Variants in UTP18 observed in about 807,000 individuals in gnomAD.
The protein encoded by UTP18 is UTP18 small subunit processome component, also known as U3 small nucleolar RNA-associated protein 18 homolog.
Under a neutral mutation model 61.1 loss-of-function variants are expected in UTP18, and 36 were observed. The ratio of observed to expected loss-of-function variants is 0.59; its 90% CI spans 0.45 to 0.78. UTP18 has a LOEUF of 0.78. Among genes scored for constraint, UTP18 ranks in the 30% least tolerant of loss-of-function variants. The probability of loss-of-function intolerance (pLI) is 0.00; values close to 1 mark genes in which losing one functional copy is unlikely to be tolerated. For synonymous variants in UTP18, 282 were observed against 251.1 expected (o/e 1.12, Z -1.16); for missense variants, 753 against 693.9 (o/e 1.09, Z -0.96).
intron 12 of UTP18, among the ~76,000 whole-genome samples, chr17:51,295,825 C>G (rs1007354913): frequency 1.3e-5 from 2 of 152,090 alleles, no homozygotes; most frequent in African/African-American, 4.8e-5. Context: ...TAAAATGTCA[C>G]TAGCAGGAAA....
In UTP18 at chr17:51,292,274, C is replaced by A. The variant is rs539354708; in HGVS notation, c.1504-1629C>A. Among the ~76,000 whole-genome samples the A allele has an allele frequency of 2.6e-5, 4 of 152,296 alleles. No individual in the cohort carries two copies. In the South Asian group the frequency reaches 8.3e-4, roughly 32 times the overall value. On this transcript the variant is annotated intron_variant, in intron 11 of 13. Transcript: ENST00000225298. ...TATTTAAGAACTTTAGAAGTGAAGT[C>A]CAAATTGGGGTACTGCCAACTTCTT...
rs939104365 is a variant in UTP18 at position 51,277,058 on chromosome 17, T to A, written c.838-72T>A. 3 of 1,479,656 alleles carry A rather than the reference T, an allele frequency of 2.0e-6. No individual in the cohort carries two copies. In the Admixed American group the frequency reaches 6.1e-5, roughly 30 times the overall value. 91.7% of individuals were successfully genotyped at this position (1,479,656 alleles called of 1,614,324 possible). A position where few individuals can be genotyped will look rare whatever the true frequency, so the allele number is the denominator to read the frequency against. On this transcript the variant is annotated intron_variant, in intron 6 of 13. Transcript: ENST00000225298. ...TGTATTTTTAAATGAACACTTGTAGTGAAAAGTATATACTACCAGGATACA... is the reference window on the plus strand; with the variant it reads ...TGTATTTTTAAATGAACACTTGTAGAGAAAAGTATATACTACCAGGATACA...
chr17:51,296,536 G>T (rs987079950), intron 12 of UTP18: 1 of 155,166 alleles, frequency 6.4e-6, no homozygotes, highest in African/African-American at 2.4e-5. Context: ...AAAGGATGCA[G>T]ATTCTTATTG....
At chr17:51,276,615 C>G (rs1401533222) in intron 6 of UTP18, among the ~76,000 whole-genome samples, 1 of 152,094 alleles carries the variant, frequency 6.6e-6, no homozygotes, top group Non-Finnish European at 1.5e-5. Flanking sequence ...CAGACCTGGC[C>G]CTTCACTTCA....
intron 13 of UTP18, 137 bp downstream of exon 13, chr17:51,297,140 G>C: frequency 2.8e-6 from 2 of 717,568 alleles, no homozygotes; most frequent in Non-Finnish European, 4.4e-6. Context: ...GGGGTGGGTT[G>C]GAAGTAGATC....
intron 11 of UTP18, among the ~76,000 whole-genome samples, chr17:51,289,436 C>T (rs918384045): frequency 4.0e-5 from 6 of 151,308 alleles, no homozygotes; most frequent in South Asian, 2.1e-4. Flanking sequence ...CTCGAACTCC[C>T]GACCTCATGG....
intron 9 of UTP18, among the ~76,000 whole-genome samples, chr17:51,283,324 A>C (rs901177482): frequency 1.3e-5 from 2 of 151,052 alleles, no homozygotes; most frequent in Admixed American, 1.3e-4. Flanking sequence ...ACACACCACC[A>C]CATCGGCTAA....
At chr17:51,273,659 T>TC (rs1171251839) in intron 5 of UTP18, among the ~76,000 whole-genome samples, 1 of 151,322 alleles carries the variant, frequency 6.6e-6, no homozygotes, top group Non-Finnish European at 1.5e-5. Context: ...TTGCTTGAGC[T>TC]CAGGAGTTTG....
intron 12 of UTP18, among the ~76,000 whole-genome samples, chr17:51,294,907 T>A (rs1401513952): frequency 2.0e-5 from 3 of 152,042 alleles, no homozygotes; most frequent in African/African-American, 7.2e-5. Flanking sequence ...AACTGGTGTG[T>A]GATGGTATCT....
chr17:51,279,922 G>A (rs1037906288), intron 7 of UTP18, 83 bp from the exon 8 acceptor site: 2 of 1,158,242 alleles, frequency 1.7e-6, no homozygotes, highest in Non-Finnish European at 2.5e-6. Context: ...ATTTTAAAAA[G>A]TAAGAAACTC....
chr17:51,295,297 T>TA, intron 12 of UTP18, among the ~76,000 whole-genome samples: 1 of 152,312 alleles, frequency 6.6e-6, no homozygotes, highest in South Asian at 2.1e-4. Flanking sequence ...TGAATGGTAT[T>TA]GCCTAGGTTT....
At position 51,288,077 on chromosome 17, in the gene UTP18, A is replaced by G. The variant is rs745487528; in HGVS notation, c.1377A>G (p.Gln459=). Residue 459 remains glutamine, a synonymous_variant, in exon 11 of 14, where the codon CAA becomes CAG. Coordinates refer to ENST00000225298, the MANE Select transcript of UTP18 (RefSeq NM_016001.3). ...TATACAATCAAGATTCTTGTCTCCAAGAAACAAACCCAAAGCCAATAAAAG... is the reference window on the plus strand; with the variant it reads ...TATACAATCAAGATTCTTGTCTCCAGGAAACAAACCCAAAGCCAATAAAAG... ...VNIYNQDSCL[Q]ETNPKPIKAI... 1.1e-5 allele frequency: 18 copies of G among 1,606,812 alleles called. No individual in the cohort carries two copies. The East Asian group carries it at 3.8e-4, about 34-fold the overall frequency.
chr17:51,281,930 ACT>A (rs1259783166), intron 9 of UTP18, among the ~76,000 whole-genome samples: 11 of 152,150 alleles, frequency 7.2e-5, no homozygotes, highest in African/African-American at 2.2e-4. Context: ...TTGTAGCAAT[ACT>A]CTCTTGACTT....
intron 4 of UTP18, among the ~76,000 whole-genome samples, chr17:51,271,232 C>A (rs1403900976): frequency 1.3e-5 from 2 of 152,146 alleles, no homozygotes; most frequent in East Asian, 3.8e-4. Flanking sequence ...CACCTGTCTT[C>A]AAGTATTGTT....
chr17:51,269,220 T>G (rs989800025), intron 4 of UTP18, among the ~76,000 whole-genome samples: 1 of 127,850 alleles, frequency 7.8e-6, no homozygotes, highest in African/African-American at 3.0e-5. Context: ...TAGGGAAGAC[T>G]AGGGTGCAAT....
chr17:51,265,042 T>G (rs554817005), intron 2 of UTP18, among the ~76,000 whole-genome samples: 5 of 152,152 alleles, frequency 3.3e-5, no homozygotes, highest in Non-Finnish European at 5.9e-5. Context: ...TTAAATAATC[T>G]TGGTATATTA....
chr17:51,263,501 T>C lies in UTP18; in HGVS notation c.455+115T>C, dbSNP rs577840362. 3.9e-5 allele frequency: 32 copies of C among 822,972 alleles called. No homozygotes were observed. In the East Asian group the frequency reaches 8.3e-4, roughly 21 times the overall value. The allele number at this position is 822,972 out of a possible 1,614,324, so 51.0% of individuals were successfully genotyped here. On this transcript the variant is annotated intron_variant, in intron 2 of 13. Transcript: ENST00000225298. ...GATTATGTGAAGATTTGAAAAATAT[T>C]TGAAAGTATAGAAAAGATCTTTCAT... is the stretch of plus-strand genomic sequence containing the variant.
chr17:51,262,561 CTCT>C (rs1478106738), intron 1 of UTP18, among the ~76,000 whole-genome samples: 1 of 152,100 alleles, frequency 6.6e-6, no homozygotes, highest in Non-Finnish European at 1.5e-5. Context: ...TAACTGGTTG[CTCT>C]TCTTGTTGGT....
chr17:51,269,653 A>T (rs765125746), intron 4 of UTP18, among the ~76,000 whole-genome samples: 1 of 152,054 alleles, frequency 6.6e-6, no homozygotes, highest in Non-Finnish European at 1.5e-5. Flanking sequence ...GGGAGTCCAT[A>T]CAAAGAGCCA....
Sources: allele counts gnomAD v4.1 joint callset (sites outside exome capture counted in the v4.1 genomes callset), GRCh38; gene constraint gnomAD v4.1.1; transcripts MANE v1.5; gene names NCBI Gene and HGNC (gene_info 2026-07-23, HGNC 2026-07-21).